ARID1B: variants seen among roughly 807,000 people sequenced by gnomAD.
The protein encoded by ARID1B is AT-rich interactive domain-containing protein 1B.
Under a neutral mutation model 212.3 loss-of-function variants are expected in ARID1B, and 30 were observed. That is an observed-to-expected ratio of 0.14 (90% CI 0.11 to 0.19). The LOEUF (loss-of-function observed/expected upper bound fraction) is 0.19, where lower values mean the gene tolerates loss of function less well. Ranked by LOEUF, ARID1B falls within the 10% of genes least tolerant of loss-of-function variation. The probability of loss-of-function intolerance (pLI) is 1.00; values close to 1 mark genes in which losing one functional copy is unlikely to be tolerated. For synonymous variants in ARID1B, 1,402 were observed against 1,301.7 expected (o/e 1.08, Z -1.66); for missense variants, 2,891 against 3,204.0 (o/e 0.90, Z 2.36).
intron 4 of ARID1B, among the ~76,000 whole-genome samples, chr6:156,981,122 T>G (rs1777576337): frequency 6.6e-6 from 1 of 152,234 alleles, no homozygotes; most frequent in African/African-American, 2.4e-5. Context: ...TGTCTACTTC[T>G]GAGGGTGAGC....
At chr6:156,850,432 A>G (rs1271192657) in intron 2 of ARID1B, among the ~76,000 whole-genome samples, 3 of 152,010 alleles carry the variant, frequency 2.0e-5, no homozygotes, top group Admixed American at 6.6e-5. Context: ...TTGAATTTGT[A>G]TTTTGAATTC....
At chr6:156,899,175 C>A in intron 2 of ARID1B, among the ~76,000 whole-genome samples, 1 of 152,150 alleles carries the variant, frequency 6.6e-6, no homozygotes. Flanking sequence ...GAAGGCAGTC[C>A]TGTTTGACAG....
chr6:156,991,484 A>T (rs1003483048), intron 4 of ARID1B, among the ~76,000 whole-genome samples: 1 of 152,076 alleles, frequency 6.6e-6, no homozygotes, highest in African/African-American at 2.4e-5. Context: ...CACCCACCTC[A>T]GCCTCCCAAA....
At chr6:156,921,114 C>T (rs1790748836) in intron 3 of ARID1B, among the ~76,000 whole-genome samples, 1 of 152,060 alleles carries the variant, frequency 6.6e-6, no homozygotes, top group African/African-American at 2.4e-5. Context: ...GTTCTCATGT[C>T]TGCTTTCCTT....
At chr6:156,958,937 CT>C (rs1006109641) in intron 4 of ARID1B, among the ~76,000 whole-genome samples, 1 of 152,104 alleles carries the variant, frequency 6.6e-6, no homozygotes, top group Non-Finnish European at 1.5e-5. Context: ...TGGTCATTAC[CT>C]GGGATTTTCA....
chr6:156,790,656 A>T (rs990868292), intron 1 of ARID1B, among the ~76,000 whole-genome samples: 2 of 152,232 alleles, frequency 1.3e-5, no homozygotes, highest in Non-Finnish European at 2.9e-5. Flanking sequence ...TGTGGAAATC[A>T]TCCCTTTCCC....
At chr6:157,005,934 G>A (rs1292710848) in intron 4 of ARID1B, among the ~76,000 whole-genome samples, 1 of 152,062 alleles carries the variant, frequency 6.6e-6, no homozygotes, top group Non-Finnish European at 1.5e-5. Context: ...GTATGCCATA[G>A]CGACATTGCT....
intron 6 of ARID1B, 145 bp from the exon 7 acceptor site, chr6:157,132,883 G>A: frequency 1.1e-6 from 1 of 878,636 alleles, no homozygotes. Flanking sequence ...ACGCTGAACT[G>A]AGATGTCTTT....
At chr6:156,847,301 G>A (rs1307645379) in intron 2 of ARID1B, among the ~76,000 whole-genome samples, 1 of 152,100 alleles carries the variant, frequency 6.6e-6, no homozygotes, top group Non-Finnish European at 1.5e-5. Context: ...CAACTGGAGC[G>A]TCTCTGGCAG....
At chr6:157,028,719 TC>T (rs1056936701) in intron 4 of ARID1B, among the ~76,000 whole-genome samples, 4 of 152,206 alleles carry the variant, frequency 2.6e-5, no homozygotes, top group African/African-American at 9.6e-5. Flanking sequence ...GTTACACTAT[TC>T]CACTGTCTCA....
chr6:157,123,231 GCCCCCCGC>G (rs1413358807), intron 6 of ARID1B, among the ~76,000 whole-genome samples: 4 of 29,906 alleles, frequency 1.3e-4, no homozygotes, highest in African/African-American at 2.7e-4. Context: ...TCTCCCCCCC[GCCCCCCGC>G]CCCCCCCCCA....
chr6:156,840,597 C>T (rs548431526), intron 2 of ARID1B, among the ~76,000 whole-genome samples: 5 of 152,298 alleles, frequency 3.3e-5, no homozygotes, highest in South Asian at 2.1e-4. Context: ...TGGTTCGCTC[C>T]GAGATTAGGC....
At chr6:156,968,092 A>G (rs1794897753) in intron 4 of ARID1B, among the ~76,000 whole-genome samples, 1 of 152,104 alleles carries the variant, frequency 6.6e-6, no homozygotes, top group African/African-American at 2.4e-5. Context: ...TCTCCCCTTC[A>G]TGTAGCCACT....
chr6:157,195,391 C>CGGG (rs1290431348), intron 15 of ARID1B: 1 of 152,268 alleles, frequency 6.6e-6, no homozygotes, highest in African/African-American at 2.4e-5. Flanking sequence ...ACGTGATCCC[C>CGGG]CTCCACAGCA....
chr6:156,987,290 T>C (rs1777981067), intron 4 of ARID1B, among the ~76,000 whole-genome samples: 1 of 152,098 alleles, frequency 6.6e-6, no homozygotes, highest in Admixed American at 6.6e-5. Flanking sequence ...ACAGCTAATA[T>C]TTCTGTTTCC....
chr6:157,096,557 C>T (rs966346520), intron 5 of ARID1B, among the ~76,000 whole-genome samples: 4 of 152,216 alleles, frequency 2.6e-5, no homozygotes, highest in Non-Finnish European at 4.4e-5. Flanking sequence ...AGGTCGTGCT[C>T]GAGAACCTTC....
In ARID1B at chr6:157,137,055, C is replaced by T. The variant is rs151227000; in HGVS notation, c.2761+3848C>T. 2.6e-4 allele frequency among the ~76,000 whole-genome samples: 39 copies of T among 152,168 alleles called. 1 individual carries two copies. In the East Asian group the frequency reaches 4.6e-3, roughly 18 times the overall value. On this transcript the variant is annotated intron_variant, in intron 7 of 19. Coordinates refer to ENST00000636930, the MANE Select transcript of ARID1B (RefSeq NM_001374828.1). The stretch of plus-strand genomic sequence containing the variant: ...AATTAGCCAGTTGTGATGGCACACA[C>T]ATGTAGTCCCAGCCACGCGGGAGGC...
At chr6:157,123,228 C>T (rs1198856375) in intron 6 of ARID1B, among the ~76,000 whole-genome samples, 1 of 14,424 alleles carries the variant, frequency 6.9e-5, no homozygotes, top group Admixed American at 6.7e-4. Context: ...TTCTCTCCCC[C>T]CCGCCCCCCG....
intron 3 of ARID1B, among the ~76,000 whole-genome samples, chr6:156,933,285 TG>T (rs1316600740): frequency 7.3e-5 from 11 of 151,436 alleles, no homozygotes; most frequent in Non-Finnish European, 1.5e-4. Context: ...TGTGCACGTG[TG>T]TTGGAGGAGG....
Sources: allele counts gnomAD v4.1 joint callset (sites outside exome capture counted in the v4.1 genomes callset), GRCh38; gene constraint gnomAD v4.1.1; transcripts MANE v1.5; gene names NCBI Gene and HGNC (gene_info 2026-07-23, HGNC 2026-07-21).